Variants in HGD observed in about 807,000 individuals in gnomAD.
HGD encodes homogentisate 1,2-dioxygenase.
HGD carries 61 observed loss-of-function variants against 60.8 expected under a neutral mutation model. The ratio of observed to expected loss-of-function variants is 1.00; its 90% CI spans 0.82 to 1.24. The LOEUF is 1.24. Ranked by LOEUF, HGD falls within the 50% of genes most tolerant of loss-of-function variation. The pLI is 0.00. For missense variants in HGD, 542 were observed against 547.1 expected (o/e 0.99, Z 0.09); for synonymous variants, 212 against 187.7 (o/e 1.13, Z -1.06).
chr3:120,647,692 G>C (rs1174575142), intron 7 of HGD, among the ~76,000 whole-genome samples, 185 bp downstream of exon 7: 1 of 152,160 alleles, frequency 6.6e-6, no homozygotes, highest in Non-Finnish European at 1.5e-5. Context: ...ATAGAGTAGG[G>C]GCTTTGAGGT....
intron 9 of HGD, 28 bp from the exon 10 acceptor site, chr3:120,644,471 T>C (rs747049467): frequency 2.5e-6 from 4 of 1,613,760 alleles, no homozygotes; most frequent in Non-Finnish European, 2.5e-6. Flanking sequence ...AAAAGTCTTT[T>C]AGAAACTTCC....
At position 120,646,974 on chromosome 3, in the gene HGD, T is replaced by A; in HGVS notation, c.548A>T (p.Gln183Leu). 1 of 1,612,834 alleles carries A rather than the reference T, an allele frequency of 6.2e-7. No homozygotes were observed. The highest frequency in any genetic ancestry group is 8.5e-7 in the Non-Finnish European group (1 of 1,178,844). The change falls in exon 8 of 14, where the codon CAG becomes CTG. Residue 183 changes from glutamine (Q) to leucine (L), a missense_variant and splice_region_variant. By Grantham distance (113) the Gln-to-Leu change is moderately radical (BLOSUM62 -2). Transcript: ENST00000283871. ...LVQPNEICVI[Q>L]RGMRFSIDVF... The stretch of plus-strand genomic sequence containing the variant: ...AAGAGAAGGGGACACATCACCAACC[T>A]GAATGACGCAGATCTCATTGGGCTG...
chr3:120,661,374 CT>C (rs1277512111), intron 4 of HGD, among the ~76,000 whole-genome samples: 7 of 152,160 alleles, frequency 4.6e-5, no homozygotes, highest in Non-Finnish European at 1.0e-4. Context: ...GTCTAATCCC[CT>C]TATATTAATT....
intron 4 of HGD, among the ~76,000 whole-genome samples, chr3:120,661,706 T>C (rs1707772263): frequency 2.6e-5 from 4 of 152,180 alleles, no homozygotes; most frequent in Admixed American, 2.6e-4. Context: ...GAAATGTAAG[T>C]TGATGGAGAT....
At position 120,628,231 on chromosome 3, in the gene HGD, A is replaced by G; in HGVS notation, c.*149T>C. On this transcript the variant is annotated 3_prime_UTR_variant, in exon 14 of 14. Transcript: ENST00000283871. ...AGGTGACAGCCATAGAACTTTGCAA[A>G]TGCGTTTCCATAAAAGTTCTGAGTT... is the stretch of plus-strand genomic sequence containing the variant. 1.2e-6 allele frequency: 1 copy of G among 850,196 alleles called. No individual in the cohort carries two copies. Among genetic ancestry groups the G allele is most frequent in the East Asian group, 2.4e-5 (1 of 41,082 alleles). The allele number at this position is 850,196 out of a possible 1,614,324, so 52.7% of individuals were successfully genotyped here.
chr3:120,662,179 G>A (rs1163376020), intron 4 of HGD, among the ~76,000 whole-genome samples: 2 of 152,176 alleles, frequency 1.3e-5, no homozygotes, highest in Non-Finnish European at 2.9e-5. Context: ...CTCTTATCTG[G>A]AAGCCTGCAC....
intron 6 of HGD, 106 bp downstream of exon 6, chr3:120,650,668 T>C: frequency 1.2e-6 from 1 of 812,570 alleles, no homozygotes; most frequent in East Asian, 2.4e-5. Context: ...CAAAAACAAC[T>C]ATGTATGTGC....
chr3:120,667,223 G>T (rs995692667), intron 4 of HGD, among the ~76,000 whole-genome samples: 2 of 150,580 alleles, frequency 1.3e-5, no homozygotes, highest in East Asian at 3.9e-4. Context: ...CTACTCAGGG[G>T]ACTGAGGTAG....
At chr3:120,638,429 T>C in intron 12 of HGD, 26 bp downstream of exon 12, 1 of 1,613,494 alleles carries the variant, frequency 6.2e-7, no homozygotes, top group Non-Finnish European at 8.5e-7. Context: ...GGCTTGCAAA[T>C]GTGGCTTGGT....
intron 11 of HGD, among the ~76,000 whole-genome samples, chr3:120,640,785 A>G (rs544643963): frequency 7.2e-5 from 11 of 152,124 alleles, no homozygotes; most frequent in African/African-American, 2.7e-4. Context: ...TTTTATTAAG[A>G]GTTGCTGCTG....
At chr3:120,647,780 T>C (rs1941210689) in intron 7 of HGD, 97 bp downstream of exon 7, 6 of 996,934 alleles carry the variant, frequency 6.0e-6, no homozygotes, top group Admixed American at 3.4e-5. Flanking sequence ...ATAAGACAGA[T>C]TGGAGAATGA....
intron 4 of HGD, among the ~76,000 whole-genome samples, chr3:120,661,674 C>T (rs1437751624): frequency 6.6e-6 from 1 of 152,174 alleles, no homozygotes; most frequent in Admixed American, 6.5e-5. Flanking sequence ...TTGCAGACAG[C>T]GCCAATATCT....
Position 120,650,800 on chromosome 3 carries a change from G to T in HGD, c.408C>A (p.Phe136Leu). The T allele has an allele frequency of 6.2e-7, 1 of 1,614,036 alleles. No individual in the cohort carries two copies. Among genetic ancestry groups the T allele is most frequent in the East Asian group, 2.2e-5 (1 of 44,872 alleles). Residue 136 changes from phenylalanine (F) to leucine (L), a missense_variant, in exon 6 of 14, where the codon TTC becomes TTA. Phe to Leu is a conservative substitution (Grantham distance 22). Around this residue, in one of 2 missense-constraint regions of HGD, gnomAD observed 537 missense variants for 529.1 expected, o/e 1.01. Coordinates refer to ENST00000283871, the MANE Select transcript of HGD (RefSeq NM_000187.4). The stretch of plus-strand genomic sequence containing the variant: ...TGTTCTCCATGGAGGTATTGCAGAG[G>T]AAAATGTGGATAGCAAGCCCATTGT... ...KSNNGLAIHIFLCNTSMENRC... is the reference protein window; with the variant it reads ...KSNNGLAIHILLCNTSMENRC...
At chr3:120,677,379 G>A (rs141545638) in intron 1 of HGD, among the ~76,000 whole-genome samples, 3,956 of 152,178 alleles carry the variant, frequency 0.026, 75 homozygotes, top group South Asian at 0.039. Flanking sequence ...AAGAGAATAC[G>A]AGCCAGGAGG....
chr3:120,649,657 T>A lies in HGD; in HGVS notation c.434+1117A>T, dbSNP rs183169350. On this transcript the variant is annotated intron_variant, in intron 6 of 13. Coordinates refer to ENST00000283871, the MANE Select transcript of HGD (RefSeq NM_000187.4). ...TCTGAAGAGAAAGGGCATTTTGTTC[T>A]TCCCAACTGAAAGGCACCCTGGGTG... 3.9e-5 allele frequency among the ~76,000 whole-genome samples: 6 copies of A among 152,300 alleles called. No individual in the cohort carries two copies. The East Asian group carries it at 1.2e-3, about 29-fold the overall frequency.
chr3:120,665,470 T>C (rs577991396), intron 4 of HGD, among the ~76,000 whole-genome samples: 5 of 152,358 alleles, frequency 3.3e-5, no homozygotes, highest in Admixed American at 3.3e-4. Context: ...AAATTGGATG[T>C]AGATTAGTTC....
intron 4 of HGD, among the ~76,000 whole-genome samples, chr3:120,669,462 C>G (rs1707977269): frequency 6.6e-6 from 1 of 151,300 alleles, no homozygotes; most frequent in Non-Finnish European, 1.5e-5. Context: ...CACACACACA[C>G]ACACACACAC....
intron 4 of HGD, among the ~76,000 whole-genome samples, chr3:120,660,408 G>A (rs1020452512): frequency 3.9e-5 from 6 of 152,016 alleles, no homozygotes; most frequent in Admixed American, 2.6e-4. Context: ...GAAGTTTGAG[G>A]AAAAAAAGGT....
chr3:120,670,594 ATGGCT>A, intron 3 of HGD, 62 bp from the exon 4 acceptor site: 4 of 951,464 alleles, frequency 4.2e-6, no homozygotes, highest in Non-Finnish European at 5.2e-6. Context: ...GATACACAGA[ATGGCT>A]CAGGCAGTAC....
Sources: allele counts gnomAD v4.1 joint callset (sites outside exome capture counted in the v4.1 genomes callset), GRCh38; gene constraint gnomAD v4.1.1; regional missense constraint gnomAD v4.1.1; transcripts MANE v1.5; gene names NCBI Gene and HGNC (gene_info 2026-07-23, HGNC 2026-07-21).